NAF1: variants seen among roughly 807,000 people sequenced by gnomAD.
NAF1 encodes the protein H/ACA ribonucleoprotein complex non-core subunit NAF1.
Under a neutral mutation model 40.6 loss-of-function variants are expected in NAF1, and 11 were observed. The observed-to-expected ratio is 0.27, with a 90% confidence interval of 0.17 to 0.45. NAF1 has a LOEUF of 0.45. Ranked by LOEUF, NAF1 falls within the 20% of genes least tolerant of loss-of-function variation. The probability of loss-of-function intolerance (pLI) is 1.00; values close to 1 mark genes in which losing one functional copy is unlikely to be tolerated. For missense variants in NAF1, 607 were observed against 611.1 expected (o/e 0.99, Z 0.07); for synonymous variants, 260 against 228.5 (o/e 1.14, Z -1.24).
chr4:163,112,698 G>T (rs1055515203), intron 2 of NAF1, among the ~76,000 whole-genome samples: 4 of 152,154 alleles, frequency 2.6e-5, no homozygotes, highest in Non-Finnish European at 5.9e-5. Flanking sequence ...GGGGTATAAG[G>T]CTCTTTTTGT....
intron 5 of NAF1, 142 bp downstream of exon 5, chr4:163,140,081 G>T: frequency 3.3e-6 from 2 of 601,438 alleles, no homozygotes; most frequent in Non-Finnish European, 5.3e-6. Context: ...TAAATTGTAG[G>T]CTTCAAAGAT....
chr4:163,154,453 A>G (rs754551764), intron 2 of NAF1, among the ~76,000 whole-genome samples: 15 of 152,270 alleles, frequency 9.9e-5, no homozygotes, highest in Non-Finnish European at 1.9e-4. Context: ...AGATCCTGTT[A>G]TAGAGTCTGC....
intron 4 of NAF1, among the ~76,000 whole-genome samples, chr4:163,144,848 T>G (rs1234837818): frequency 6.6e-6 from 1 of 152,080 alleles, no homozygotes; most frequent in Non-Finnish European, 1.5e-5. Context: ...ACAAAAAAAA[T>G]GTCTGTTTAG....
downstream of NAF1, chr4:163,127,085 A>C (rs1430027567): frequency 6.4e-7 from 1 of 1,551,636 alleles, no homozygotes. Context: ...TCTGGATCCG[A>C]GGCCACAATA....
chr4:163,117,393 A>G (rs1730370673), intron 2 of NAF1: 1 of 152,242 alleles, frequency 6.6e-6, no homozygotes, highest in Admixed American at 6.5e-5. Flanking sequence ...TTCATTGAAT[A>G]AATGAATATA....
Position 163,145,845 on chromosome 4 carries a change from A to G in NAF1, c.654T>C (p.Thr218=). 6.5e-7 allele frequency: 1 copy of G among 1,544,998 alleles called. No homozygotes were observed. Among genetic ancestry groups the G allele is most frequent in the Non-Finnish European group, 8.9e-7 (1 of 1,125,564 alleles). Residue 218 remains threonine, a synonymous_variant, in exon 4 of 8, where the codon ACT becomes ACC. Coordinates refer to ENST00000274054, the MANE Select transcript of NAF1 (RefSeq NM_138386.3). The stretch of plus-strand genomic sequence containing the variant: ...TCTCCTCATTAACTGGAGGTAGGTT[A>G]GTCATAGATTCAATTATTACTGAAA... The part of the protein sequence containing the change: ...IEQLVIIESM[T]NLPPVNEETV...
intron 2 of NAF1, among the ~76,000 whole-genome samples, chr4:163,118,860 C>A (rs1730432033): frequency 6.6e-6 from 1 of 152,294 alleles, no homozygotes; most frequent in Middle Eastern, 3.4e-3. Context: ...TCCAGTCCAG[C>A]CAGCTATGTG....
chr4:163,160,922 C>T (rs921905526), intron 2 of NAF1, among the ~76,000 whole-genome samples: 1 of 144,048 alleles, frequency 6.9e-6, no homozygotes, highest in Non-Finnish European at 1.5e-5. Context: ...GTCTAAGTGA[C>T]ATATCAAGAG....
chr4:163,148,821 G>A (rs897113761), intron 2 of NAF1, among the ~76,000 whole-genome samples: 2 of 152,108 alleles, frequency 1.3e-5, no homozygotes, highest in Non-Finnish European at 2.9e-5. Flanking sequence ...CTCCACATAA[G>A]TTCTTTTAGC....
chr4:163,132,026 C>T (rs1016439315), intron 7 of NAF1, among the ~76,000 whole-genome samples: 2 of 152,120 alleles, frequency 1.3e-5, no homozygotes, highest in East Asian at 3.9e-4. Flanking sequence ...GCACTACAAA[C>T]CTAGCAGAAT....
At chr4:163,142,438 A>C (rs974926805) in intron 4 of NAF1, among the ~76,000 whole-genome samples, 1 of 152,212 alleles carries the variant, frequency 6.6e-6, no homozygotes, top group Non-Finnish European at 1.5e-5. Flanking sequence ...AGTGTGAAAA[A>C]CAATTTCAGT....
intron 2 of NAF1, among the ~76,000 whole-genome samples, chr4:163,156,448 G>C (rs570843151): frequency 3.1e-4 from 46 of 150,204 alleles, no homozygotes; most frequent in African/African-American, 1.1e-3. Context: ...TGAGTAGATA[G>C]GAAAGACTTT....
chr4:163,114,916 AATTT>A lies in NAF1; in HGVS notation c.115-4630_115-4627del, dbSNP rs541229946. ...CTACTTAATAGAGGACTACTCTGATAATTTATTCCTTTTTGTATCCATTTTCATA... is the reference window on the plus strand; with the variant it reads ...CTACTTAATAGAGGACTACTCTGATAATTCCTTTTTGTATCCATTTTCATA... On this transcript the variant is annotated intron_variant, in intron 2 of 2. Transcript: ENST00000509434. 1.8e-4 allele frequency among the ~76,000 whole-genome samples: 27 copies of A among 152,252 alleles called. No individual in the cohort carries two copies. The East Asian group carries it at 4.6e-3, about 26-fold the overall frequency.
At chr4:163,123,767 A>C (rs975889067), downstream of NAF1, among the ~76,000 whole-genome samples, 8 of 152,240 alleles carry the variant, frequency 5.3e-5, no homozygotes, top group African/African-American at 1.9e-4. Context: ...GTAGACATGC[A>C]AAGGGGTTAT....
chr4:163,144,409 G>A (rs749825269), intron 4 of NAF1, among the ~76,000 whole-genome samples: 16 of 152,126 alleles, frequency 1.1e-4, no homozygotes, highest in Non-Finnish European at 1.0e-4. Flanking sequence ...GATTACTATC[G>A]TGTTACTGAA....
chr4:163,113,001 T>C (rs1238371948), intron 2 of NAF1, among the ~76,000 whole-genome samples: 1 of 152,144 alleles, frequency 6.6e-6, no homozygotes, highest in Non-Finnish European at 1.5e-5. Context: ...CGTTCAACTC[T>C]ATATGTGTAG....
At chr4:163,137,357 CT>C in intron 5 of NAF1, 107 bp from the exon 6 acceptor site, 1 of 1,231,614 alleles carries the variant, frequency 8.1e-7, no homozygotes, top group Non-Finnish European at 1.1e-6. Flanking sequence ...TGAGTTCAAC[CT>C]TTAATTTTGC....
At chr4:163,123,292 GGTTCC>G (rs1730566039), downstream of NAF1, among the ~76,000 whole-genome samples, 1 of 152,126 alleles carries the variant, frequency 6.6e-6, no homozygotes, top group South Asian at 2.1e-4. Context: ...CATTCATAAG[GGTTCC>G]ATCCCATGAC....
rs1732455998 is a variant in NAF1, at chr4:163,166,241, C to A, written c.365+122G>T. ...AATACTTCAACACGTGAGCCCGGAG[C>A]ACCAACGACCTGCCCACCCTCCAGG... On this transcript the variant is annotated intron_variant, in intron 1 of 7. Coordinates refer to ENST00000274054, the MANE Select transcript of NAF1 (RefSeq NM_138386.3). The A allele has an allele frequency of 3.2e-6, 4 of 1,242,706 alleles. No individual in the cohort carries two copies. In the South Asian group the frequency reaches 4.8e-5, roughly 15 times the overall value. 77.0% of individuals were successfully genotyped at this position (1,242,706 alleles called of 1,614,324 possible).
Sources: allele counts gnomAD v4.1 joint callset (sites outside exome capture counted in the v4.1 genomes callset), GRCh38; gene constraint gnomAD v4.1.1; transcripts MANE v1.5; gene names NCBI Gene and HGNC (gene_info 2026-07-23, HGNC 2026-07-21).